Variants in FGD4 observed in about 807,000 individuals in gnomAD.
The protein encoded by FGD4 is FYVE, RhoGEF and PH domain containing 4, also known as FYVE, RhoGEF and PH domain-containing protein 4.
Under a neutral mutation model 102.0 loss-of-function variants are expected in FGD4, and 42 were observed. The ratio of observed to expected loss-of-function variants is 0.41; its 90% CI spans 0.32 to 0.53. The LOEUF is 0.53. Among genes scored for constraint, FGD4 ranks in the 20% least tolerant of loss-of-function variants. The pLI is 0.21. For synonymous variants in FGD4, 380 were observed against 375.7 expected (o/e 1.01, Z -0.13); for missense variants, 902 against 1,078.2 (o/e 0.84, Z 2.29).
intron 3 of FGD4, among the ~76,000 whole-genome samples, 167 bp downstream of exon 3, chr12:32,576,616 C>T (rs1185498873): frequency 1.3e-5 from 2 of 152,078 alleles, no homozygotes; most frequent in African/African-American, 4.8e-5. Flanking sequence ...TTAATCTTAC[C>T]CTAATATGAA....
chr12:32,608,237 C>T (rs1592388956), intron 8 of FGD4, 142 bp downstream of exon 8: 1 of 1,183,738 alleles, frequency 8.4e-7, no homozygotes, highest in Non-Finnish European at 1.2e-6. Context: ...AAATTGTTAT[C>T]ATCACTTCAG....
At chr12:32,595,492 A>G (rs939207180) in intron 4 of FGD4, among the ~76,000 whole-genome samples, 2 of 152,198 alleles carry the variant, frequency 1.3e-5, no homozygotes, top group Non-Finnish European at 2.9e-5. Flanking sequence ...CTCTGCCTTA[A>G]GAGTAGGAAG....
intron 1 of FGD4, among the ~76,000 whole-genome samples, chr12:32,423,375 A>G (rs527725644): frequency 3.6e-4 from 55 of 151,800 alleles, no homozygotes; most frequent in Non-Finnish European, 6.9e-4. Context: ...GCAGATCACT[A>G]GGTGAGGAGA....
At chr12:32,608,761 A>G (rs1188076338) in intron 8 of FGD4, among the ~76,000 whole-genome samples, 1 of 152,228 alleles carries the variant, frequency 6.6e-6, no homozygotes, top group Admixed American at 6.5e-5. Context: ...TTCAACAAGC[A>G]GTGGTTGTAC....
At chr12:32,481,127 CAAAAAAAAAAAAAA>C (rs1157108520) in intron 1 of FGD4, among the ~76,000 whole-genome samples, 24 of 27,360 alleles carry the variant, frequency 8.8e-4, no homozygotes, top group East Asian at 7.5e-3. Flanking sequence ...GACTCCGTCT[CAAAAAAAAAAAAAA>C]AAAAAAAAAA....
intron 1 of FGD4, among the ~76,000 whole-genome samples, chr12:32,478,845 C>T (rs755049822): frequency 6.6e-6 from 1 of 152,126 alleles, no homozygotes; most frequent in Non-Finnish European, 1.5e-5. Flanking sequence ...CAATTATGAT[C>T]CGTGGCATAT....
At chr12:32,458,169 CT>C (rs1331791832) in intron 1 of FGD4, among the ~76,000 whole-genome samples, 43 of 145,046 alleles carry the variant, frequency 3.0e-4, no homozygotes, top group Admixed American at 3.5e-4. Context: ...CTTTGTTTTT[CT>C]TTTTTTTTTT....
chr12:32,415,783 A>G (rs528652231), intron 1 of FGD4, among the ~76,000 whole-genome samples: 32 of 151,444 alleles, frequency 2.1e-4, no homozygotes, highest in Non-Finnish European at 4.4e-4. Flanking sequence ...TGCTGAATGG[A>G]CCCCTTTATC....
At chr12:32,619,356 C>T (rs147147890) in intron 10 of FGD4, among the ~76,000 whole-genome samples, 2,611 of 152,066 alleles carry the variant, frequency 0.017, 46 homozygotes, top group Non-Finnish European at 0.02. Context: ...CAGCCGGGTG[C>T]GGTGGCTCAC....
chr12:32,452,706 G>A (rs955359283), intron 1 of FGD4, among the ~76,000 whole-genome samples: 2 of 152,156 alleles, frequency 1.3e-5, no homozygotes, highest in African/African-American at 4.8e-5. Flanking sequence ...AAGAATAAGT[G>A]GGGCGCAGTG....
chr12:32,610,249 A>G (rs1029929198), intron 8 of FGD4, among the ~76,000 whole-genome samples: 4 of 152,208 alleles, frequency 2.6e-5, no homozygotes, highest in African/African-American at 9.6e-5. Flanking sequence ...TGCCAAATGG[A>G]GCTAAAATAC....
chr12:32,487,885 G>A (rs1045763426), intron 1 of FGD4, among the ~76,000 whole-genome samples: 2 of 152,172 alleles, frequency 1.3e-5, no homozygotes, highest in Non-Finnish European at 2.9e-5. Flanking sequence ...TAAAAATGTG[G>A]ATTCCATTGC....
chr12:32,462,766 A>C (rs895139702), intron 1 of FGD4, among the ~76,000 whole-genome samples: 2 of 152,210 alleles, frequency 1.3e-5, no homozygotes, highest in Admixed American at 1.3e-4. Flanking sequence ...AGGTTGGATG[A>C]TTAGACCTTG....
chr12:32,627,402 C>T (rs1459093115), intron 14 of FGD4, among the ~76,000 whole-genome samples: 1 of 152,160 alleles, frequency 6.6e-6, no homozygotes, highest in Non-Finnish European at 1.5e-5. Flanking sequence ...GACCTGCCCA[C>T]CTCGGCCTCC....
intron 1 of FGD4, among the ~76,000 whole-genome samples, chr12:32,468,350 T>C (rs1404429994): frequency 6.6e-6 from 1 of 152,150 alleles, no homozygotes; most frequent in Non-Finnish European, 1.5e-5. Flanking sequence ...CAGTGATCTC[T>C]TACAGCAAAT....
At chr12:32,508,129 C>T (rs756716193) in intron 1 of FGD4, among the ~76,000 whole-genome samples, 14 of 152,076 alleles carry the variant, frequency 9.2e-5, no homozygotes, top group Non-Finnish European at 1.8e-4. Flanking sequence ...AGGGGTTCCT[C>T]GGCTGTGCAC....
chr12:32,501,373 A>G (rs1181301683), intron 1 of FGD4, among the ~76,000 whole-genome samples: 1 of 152,188 alleles, frequency 6.6e-6, no homozygotes, highest in Non-Finnish European at 1.5e-5. Flanking sequence ...TTTTCAGCCA[A>G]TTTTATCTTC....
chr12:32,611,408 G>T, intron 10 of FGD4, 125 bp downstream of exon 10: 2 of 1,126,144 alleles, frequency 1.8e-6, no homozygotes, highest in South Asian at 2.6e-5. Context: ...CTGAGGTCAG[G>T]AGTTTGAGAC....
intron 4 of FGD4, among the ~76,000 whole-genome samples, chr12:32,584,017 C>T (rs1220783028): frequency 6.6e-6 from 1 of 152,144 alleles, no homozygotes; most frequent in Non-Finnish European, 1.5e-5. Context: ...GGTACTTTTT[C>T]TTCCCTTCAC....
Sources: gnomAD v4.1 joint callset for allele counts (sites outside exome capture counted in the v4.1 genomes callset) on GRCh38, gnomAD v4.1.1 for gene constraint, MANE v1.5 for transcripts, NCBI Gene and HGNC (gene_info 2026-07-23, HGNC 2026-07-21) for gene names.